The following MCTP1 variants were observed in gnomAD, a reference collection of about 807,000 sequenced individuals.
The protein encoded by MCTP1 is multiple C2 and transmembrane domain-containing protein 1.
In MCTP1, 69 loss-of-function variants were observed where a neutral mutation model predicts 120.6. The ratio of observed to expected loss-of-function variants is 0.57; its 90% CI spans 0.47 to 0.70. The LOEUF (loss-of-function observed/expected upper bound fraction) is 0.70. Ranked by LOEUF, MCTP1 falls within the 30% of genes least tolerant of loss-of-function variation. The pLI is 0.00. For missense variants in MCTP1, 1,203 were observed against 1,248.8 expected, an observed-to-expected ratio of 0.96 and a Z score of 0.55; for synonymous variants, 529 against 493.1, an observed-to-expected ratio of 1.07 and a Z score of -0.96.
intron 17 of MCTP1, among the ~76,000 whole-genome samples, chr5:94,860,084 A>AT (rs898073895): frequency 6.6e-6 from 1 of 151,448 alleles, no homozygotes; most frequent in Non-Finnish European, 1.5e-5. Context: ...CAATAGTAAA[A>AT]TTTTTTTTGA....
At chr5:95,033,055 T>C (rs966452915) in intron 1 of MCTP1, among the ~76,000 whole-genome samples, 3 of 152,084 alleles carry the variant, frequency 2.0e-5, no homozygotes, top group Non-Finnish European at 2.9e-5. Context: ...CAGGAAGATA[T>C]TGAAATCCCT....
chr5:94,782,547 T>C (rs1039158227), intron 18 of MCTP1, among the ~76,000 whole-genome samples: 14 of 152,102 alleles, frequency 9.2e-5, no homozygotes, highest in Non-Finnish European at 8.8e-5. Flanking sequence ...AAACTGTATA[T>C]ATTACTGAAG....
intron 16 of MCTP1, among the ~76,000 whole-genome samples, chr5:94,869,285 G>A (rs749309481): frequency 2.0e-5 from 3 of 151,838 alleles, no homozygotes; most frequent in Non-Finnish European, 2.9e-5. Flanking sequence ...ATACTTCAAC[G>A]CTGATCTGAT....
intron 17 of MCTP1, 184 bp downstream of exon 17, chr5:94,868,149 T>A (rs1797169644): frequency 2.3e-6 from 1 of 427,856 alleles, no homozygotes; most frequent in Admixed American, 4.4e-5. Flanking sequence ...GAAAATGTAT[T>A]CTTAGACTCA....
chr5:94,836,495 C>T (rs1205806694), intron 17 of MCTP1, among the ~76,000 whole-genome samples: 2 of 152,284 alleles, frequency 1.3e-5, no homozygotes, highest in Non-Finnish European at 2.9e-5. Flanking sequence ...CTTCAGTCTC[C>T]TGTGCTTTTC....
rs775868205 is a variant in MCTP1 at position 94,909,345 on chromosome 5, G to T, written c.1558C>A (p.Gln520Lys). Residue 520 changes from glutamine (Q) to lysine (K), a missense_variant, in exon 10 of 23, where the codon CAA becomes AAA. Transcript: ENST00000515393. ...TCTTCATAAAGGTGAAAATCAAATT[G>T]TTCCCTCCACTGAGGATTCAACGTT... ...PKTLNPQWRE[Q>K]FDFHLYEERG... 2 of 1,607,308 alleles carry T rather than the reference G, an allele frequency of 1.2e-6. No homozygotes were observed. Among genetic ancestry groups the T allele is most frequent in the Non-Finnish European group, 1.7e-6 (2 of 1,177,372 alleles).
chr5:94,952,137 A>C (rs1220426039), intron 3 of MCTP1, among the ~76,000 whole-genome samples: 5 of 135,304 alleles, frequency 3.7e-5, no homozygotes, highest in African/African-American at 1.4e-4. Context: ...GTGCCACTGC[A>C]CTCCAGCCTG....
At chr5:94,984,244 T>G (rs1445564346) in intron 2 of MCTP1, among the ~76,000 whole-genome samples, 1 of 152,196 alleles carries the variant, frequency 6.6e-6, no homozygotes, top group Admixed American at 6.6e-5. Flanking sequence ...TCTGGACTAA[T>G]TTTTGCTTGT....
At chr5:94,847,691 T>C (rs1041488619) in intron 17 of MCTP1, among the ~76,000 whole-genome samples, 3 of 144,650 alleles carry the variant, frequency 2.1e-5, no homozygotes, top group Admixed American at 2.0e-4. Context: ...TGTATATATA[T>C]ATATATATAT....
At chr5:94,789,755 T>C (rs898853647) in intron 18 of MCTP1, among the ~76,000 whole-genome samples, 2 of 152,222 alleles carry the variant, frequency 1.3e-5, no homozygotes, top group African/African-American at 4.8e-5. Context: ...GTTGTTTGTT[T>C]CTCTCACTAG....
At position 95,122,727 on chromosome 5, in the gene MCTP1, C is replaced by T. The variant is rs574513199; in HGVS notation, c.721-105243G>A. Among the ~76,000 whole-genome samples, 8 of 152,188 alleles carry T rather than the reference C, an allele frequency of 5.3e-5. No homozygotes were observed. In the South Asian group the frequency reaches 1.7e-3, roughly 32 times the overall value. On this transcript the variant is annotated intron_variant, in intron 1 of 22. Coordinates refer to ENST00000515393, the MANE Select transcript of MCTP1 (RefSeq NM_024717.7). ...TGGATTACAGCATTATTCACAATAG[C>T]CAAGATTTGGAATCAATCTAAGTGG...
chr5:95,190,789 C>T (rs1749742303), intron 1 of MCTP1, among the ~76,000 whole-genome samples: 1 of 152,030 alleles, frequency 6.6e-6, no homozygotes, highest in East Asian at 1.9e-4. Context: ...TGAGAAGACA[C>T]TTGATAGAAG....
At chr5:95,134,992 CAAAAAAAAAAAAAAAAAAAAA>C (rs70978170) in intron 1 of MCTP1, among the ~76,000 whole-genome samples, 15 of 35,338 alleles carry the variant, frequency 4.2e-4, no homozygotes, top group South Asian at 2.7e-3. Flanking sequence ...GCCTGATGGC[CAAAAAAAAAAAAAAAAAAAAA>C]AAAAAAAAAA....
Position 95,098,966 on chromosome 5 carries a change from C to T in MCTP1, c.721-81482G>A, listed in dbSNP as rs1045566044. On this transcript the variant is annotated intron_variant, in intron 1 of 22. Coordinates refer to ENST00000515393, the MANE Select transcript of MCTP1 (RefSeq NM_024717.7). ...AGAACAGAGCCCTCAGAAATAACGC[C>T]GCATATCTGCAACTATCTGATCTTT... Among the ~76,000 whole-genome samples, 1,343 of 152,108 alleles carry T rather than the reference C, an allele frequency of 8.8e-3. 10 individuals are homozygous for T. Among genetic ancestry groups the T allele is most frequent in the Non-Finnish European group, 0.012 (829 of 67,994 alleles).
Position 94,873,256 on chromosome 5 carries a change from T to A in MCTP1, c.1934-15A>T. The A allele has an allele frequency of 6.7e-7, 1 of 1,496,150 alleles. No individual in the cohort carries two copies. The highest frequency in any genetic ancestry group is 9.3e-7 in the Non-Finnish European group (1 of 1,073,756). The allele number at this position is 1,496,150 out of a possible 1,614,324, so 92.7% of individuals were successfully genotyped here. A position where few individuals can be genotyped will look rare whatever the true frequency, so the allele number is the denominator to read the frequency against. ...GTCACTTTTTCCTACAAGAGATTTT[T>A]GGTAAATATTTTTAGTGTACATAGC... is the stretch of plus-strand genomic sequence containing the variant. On this transcript the variant is annotated splice_polypyrimidine_tract_variant and intron_variant, in intron 12 of 22. Coordinates refer to ENST00000515393, the MANE Select transcript of MCTP1 (RefSeq NM_024717.7).
At chr5:95,268,618 G>A (rs550144545) in intron 1 of MCTP1, among the ~76,000 whole-genome samples, 1 of 152,326 alleles carries the variant, frequency 6.6e-6, no homozygotes, top group African/African-American at 2.4e-5. Context: ...CAGGAATGTA[G>A]AGGAGTTTAT....
intron 1 of MCTP1, among the ~76,000 whole-genome samples, chr5:95,122,926 T>C (rs1300669713): frequency 6.6e-6 from 1 of 152,208 alleles, no homozygotes; most frequent in Non-Finnish European, 1.5e-5. Flanking sequence ...CCTCATTTAT[T>C]TGTGGGCACT....
At chr5:95,278,662 T>C (rs74985659) in intron 1 of MCTP1, among the ~76,000 whole-genome samples, 5,854 of 152,192 alleles carry the variant, frequency 0.038, 146 homozygotes, top group Middle Eastern at 0.061. Context: ...GAACTTTCTG[T>C]TTCAAAAAAT....
At position 95,284,315 on chromosome 5, in the gene MCTP1, C is replaced by T. The variant is rs771912813; in HGVS notation, c.261G>A (p.Val87=). Residue 87 remains valine (V), a synonymous_variant, in exon 1 of 23, where the codon GTG becomes GTA. Transcript: ENST00000515393. This position sits in a 1 kb window ranked among gnomAD's most constrained non-coding sequence, Gnocchi z 5.2. ...RWSGFKKRKQ[V]LDRVFSSSQP... ...GCGAGGAGGAGAAGACTCGGTCCAG[C>T]ACTTGCTTCCGCTTCTTGAAGCCGC... 68 of 1,597,358 alleles carry T rather than the reference C, an allele frequency of 4.3e-5. No individual in the cohort carries two copies. Among genetic ancestry groups the T allele is most frequent in the South Asian group, 5.5e-5 (5 of 90,972 alleles).
Sources: gnomAD v4.1 joint callset for allele counts (sites outside exome capture counted in the v4.1 genomes callset) on GRCh38, gnomAD v4.1.1 for gene constraint, Gnocchi (gnomAD v3.1) non-coding constraint, MANE v1.5 for transcripts, NCBI Gene and HGNC (gene_info 2026-07-23, HGNC 2026-07-21) for gene names.